CYP4X1: variants seen among roughly 807,000 people sequenced by gnomAD.
CYP4X1 encodes cytochrome P450 4X1.
Under a neutral mutation model 57.9 loss-of-function variants are expected in CYP4X1, and 44 were observed. That is an observed-to-expected ratio of 0.76 (90% CI 0.60 to 0.98). The LOEUF (loss-of-function observed/expected upper bound fraction) is 0.98, where lower values mean the gene tolerates loss of function less well. CYP4X1 is among the 50% of genes least tolerant of loss of function. The pLI, the probability that CYP4X1 is intolerant of heterozygous loss-of-function variation, is 0.00. For synonymous variants in CYP4X1, 227 were observed against 228.6 expected, an observed-to-expected ratio of 0.99 and a Z score of 0.06; for missense variants, 532 against 623.9, an observed-to-expected ratio of 0.85 and a Z score of 1.57.
the CYP4X1 span, among the ~76,000 whole-genome samples, chr1:46,963,583 T>C: frequency 6.6e-6 from 1 of 152,244 alleles, no homozygotes; most frequent in Non-Finnish European, 1.5e-5. Flanking sequence ...TCCACTCTCT[T>C]CTGGCTTGTA....
chr1:47,036,892 A>G (rs1048654203), intron 6 of CYP4X1, among the ~76,000 whole-genome samples: 6 of 152,240 alleles, frequency 3.9e-5, no homozygotes, highest in African/African-American at 1.2e-4. Flanking sequence ...AAGTATAGTT[A>G]TGTCAAATGT....
the CYP4X1 span, chr1:47,003,098 G>A: frequency 6.6e-6 from 1 of 152,104 alleles, no homozygotes; most frequent in Non-Finnish European, 1.5e-5. Context: ...CTCTCTTTGG[G>A]TAGATTCAGA....
At chr1:47,009,063 T>C in the CYP4X1 span, among the ~76,000 whole-genome samples, 735 of 152,218 alleles carry the variant, frequency 4.8e-3, 11 homozygotes, top group East Asian at 0.047. Context: ...CTGCACCAAG[T>C]GGATCTAATA....
At chr1:46,966,293 C>T in the CYP4X1 span, among the ~76,000 whole-genome samples, 564 of 152,248 alleles carry the variant, frequency 3.7e-3, 3 homozygotes, top group Non-Finnish European at 6.5e-3. Flanking sequence ...TTCTGCCTTG[C>T]CAAGGATCCC....
intron 7 of CYP4X1, 76 bp downstream of exon 7, chr1:47,038,842 TG>T: frequency 8.6e-7 from 1 of 1,162,652 alleles, no homozygotes. Flanking sequence ...GGGAATGGGA[TG>T]GGGAGACAAG....
the CYP4X1 span, among the ~76,000 whole-genome samples, chr1:46,997,835 C>G: frequency 6.6e-6 from 1 of 152,088 alleles, no homozygotes. Flanking sequence ...GATAAGTGTT[C>G]CCTTTTCTAC....
intron 1 of CYP4X1, 30 bp downstream of exon 1, chr1:47,024,024 G>A: frequency 6.3e-7 from 1 of 1,597,516 alleles, no homozygotes; most frequent in Non-Finnish European, 8.5e-7. Context: ...GAGGAAGGAG[G>A]AGGGAGGGGC....
At position 47,042,092 on chromosome 1, in the gene CYP4X1, G is replaced by A. The variant is rs190452931; in HGVS notation, c.1073+2560G>A. On this transcript the variant is annotated intron_variant, in intron 8 of 11. Coordinates refer to ENST00000371901, the MANE Select transcript of CYP4X1 (RefSeq NM_178033.2). ...TTGTAGATCAGTTGACAATAAATGT[G>A]TGGGTGTATTTCTGGACTCTTTATC... Among the ~76,000 whole-genome samples, 8 of 152,098 alleles carry A rather than the reference G, an allele frequency of 5.3e-5. No individual in the cohort carries two copies. In the East Asian group the frequency reaches 1.4e-3, roughly 26 times the overall value.
At chr1:47,010,600 A>C in the CYP4X1 span, among the ~76,000 whole-genome samples, 94 of 152,340 alleles carry the variant, frequency 6.2e-4, no homozygotes, top group Admixed American at 2.5e-3. Flanking sequence ...GCATTCAATT[A>C]GGAAAAGAGA....
At chr1:47,027,436 T>G (rs1644082636) in intron 1 of CYP4X1, among the ~76,000 whole-genome samples, 1 of 152,248 alleles carries the variant, frequency 6.6e-6, no homozygotes, top group Non-Finnish European at 1.5e-5. Context: ...CAATGTGCAG[T>G]GATCAAATCA....
the CYP4X1 span, among the ~76,000 whole-genome samples, chr1:46,966,794 C>A: frequency 6.6e-6 from 1 of 152,212 alleles, no homozygotes; most frequent in African/African-American, 2.4e-5. Flanking sequence ...TTTAGAGAAT[C>A]ACTGTATTTA....
chr1:47,015,440 C>T, the CYP4X1 span, among the ~76,000 whole-genome samples: 1 of 152,164 alleles, frequency 6.6e-6, no homozygotes, highest in Admixed American at 6.5e-5. Context: ...GCAGAAGATG[C>T]CTCAGGATTC....
chr1:47,031,538 G>A, intron 3 of CYP4X1, 58 bp downstream of exon 3: 4 of 1,575,218 alleles, frequency 2.5e-6, no homozygotes, highest in East Asian at 2.2e-5. Flanking sequence ...CCTTTCCATA[G>A]TAGAGCATGC....
At chr1:46,990,247 A>G in the CYP4X1 span, among the ~76,000 whole-genome samples, 2 of 152,248 alleles carry the variant, frequency 1.3e-5, no homozygotes, top group East Asian at 1.9e-4. Flanking sequence ...AAGGATATGA[A>G]CAGACATTTG....
the CYP4X1 span, among the ~76,000 whole-genome samples, chr1:46,972,331 A>C: frequency 1.3e-5 from 2 of 152,086 alleles, no homozygotes; most frequent in African/African-American, 2.4e-5. Flanking sequence ...ATGCTGTTTT[A>C]GTTACTGTAG....
At position 47,033,268 on chromosome 1, in the gene CYP4X1, C is replaced by G. The variant is rs1396612146; in HGVS notation, c.392C>G (p.Pro131Arg). ...LGKGLAALDG[P>R]KWFQHRRLLT... Reference sequence around the variant, plus strand: ...AAAGGACTAGCGGCTCTAGACGGACCCAAGTGGTTCCAGCATCGTCGCCTA... The same window carrying G: ...AAAGGACTAGCGGCTCTAGACGGACGCAAGTGGTTCCAGCATCGTCGCCTA... Residue 131 changes from proline to arginine, a missense_variant, in exon 4 of 12, where the codon CCC becomes CGC. Physicochemically the swap from Pro to Arg is moderately radical, Grantham distance 103 (BLOSUM62 -2). Coordinates refer to ENST00000371901, the MANE Select transcript of CYP4X1 (RefSeq NM_178033.2). 1.2e-6 allele frequency: 2 copies of G among 1,613,610 alleles called. No individual in the cohort carries two copies. Among genetic ancestry groups the G allele is most frequent in the Non-Finnish European group, 1.7e-6 (2 of 1,179,764 alleles).
chr1:47,031,348 C>A, intron 2 of CYP4X1, 88 bp from the exon 3 acceptor site: 2 of 1,481,746 alleles, frequency 1.3e-6, no homozygotes, highest in Non-Finnish European at 1.9e-6. Flanking sequence ...GTGGTTGGTG[C>A]AGAAATGCAG....
At chr1:46,970,565 T>C in the CYP4X1 span, among the ~76,000 whole-genome samples, 1 of 152,212 alleles carries the variant, frequency 6.6e-6, no homozygotes, top group African/African-American at 2.4e-5. Context: ...TTTTGCTTGC[T>C]TGAGGATAAT....
At chr1:47,002,320 A>C in the CYP4X1 span, among the ~76,000 whole-genome samples, 2 of 152,234 alleles carry the variant, frequency 1.3e-5, no homozygotes, top group Admixed American at 6.5e-5. Flanking sequence ...GTTTTGAAAA[A>C]TGAATAAAAT....
Sources: allele counts gnomAD v4.1 joint callset (sites outside exome capture counted in the v4.1 genomes callset), GRCh38; gene constraint gnomAD v4.1.1; transcripts MANE v1.5; gene names NCBI Gene and HGNC (gene_info 2026-07-23, HGNC 2026-07-21).